The following NOS1AP variants were observed in gnomAD, a reference collection of about 807,000 sequenced individuals.
NOS1AP encodes the protein nitric oxide synthase 1 adaptor protein.
In NOS1AP, 21 loss-of-function variants were observed where a neutral mutation model predicts 56.2. That is an observed-to-expected ratio of 0.37 (90% CI 0.26 to 0.54). The LOEUF (loss-of-function observed/expected upper bound fraction) is 0.54, where lower values mean the gene tolerates loss of function less well. NOS1AP is among the 20% of genes least tolerant of loss of function. The pLI is 0.84. For missense variants in NOS1AP, 522 were observed against 657.8 expected, an observed-to-expected ratio of 0.79 and a Z score of 2.26; for synonymous variants, 270 against 274.6, an observed-to-expected ratio of 0.98 and a Z score of 0.17.
intron 4 of NOS1AP, among the ~76,000 whole-genome samples, chr1:162,312,219 T>C (rs1265785159): frequency 5.6e-5 from 8 of 143,270 alleles, no homozygotes; most frequent in South Asian, 2.3e-4. Context: ...AGTGTTCCTA[T>C]TTCTCCACAT....
intron 5 of NOS1AP, among the ~76,000 whole-genome samples, chr1:162,337,975 A>G (rs1391858018): frequency 1.3e-5 from 2 of 152,236 alleles, no homozygotes; most frequent in Non-Finnish European, 2.9e-5. Context: ...TGTAAATTCC[A>G]TAGATTAAGA....
intron 1 of NOS1AP, among the ~76,000 whole-genome samples, chr1:162,114,989 A>C (rs1320680014): frequency 6.6e-6 from 1 of 152,210 alleles, no homozygotes; most frequent in Non-Finnish European, 1.5e-5. Flanking sequence ...TTCAGGTCCC[A>C]TAATGGCCAA....
chr1:162,151,378 A>C (rs1367330362), intron 1 of NOS1AP, among the ~76,000 whole-genome samples: 1 of 152,148 alleles, frequency 6.6e-6, no homozygotes, highest in Non-Finnish European at 1.5e-5. Flanking sequence ...TAGCATGTAC[A>C]TGTGCATGTT....
At chr1:162,322,607 A>T (rs753139620) in intron 4 of NOS1AP, among the ~76,000 whole-genome samples, 9 of 152,164 alleles carry the variant, frequency 5.9e-5, no homozygotes, top group Non-Finnish European at 1.0e-4. Context: ...ATATCCCTGG[A>T]TTGGTTTATT....
At chr1:162,174,768 T>G (rs1022651924) in intron 2 of NOS1AP, among the ~76,000 whole-genome samples, 1 of 152,222 alleles carries the variant, frequency 6.6e-6, no homozygotes, top group Non-Finnish European at 1.5e-5. Context: ...TTGTTCATAT[T>G]TCCTTAGTTT....
At chr1:162,134,061 G>A (rs1648874469) in intron 1 of NOS1AP, among the ~76,000 whole-genome samples, 1 of 152,104 alleles carries the variant, frequency 6.6e-6, no homozygotes, top group African/African-American at 2.4e-5. Context: ...CAGTTTAAAA[G>A]GAAACCTTAA....
chr1:162,244,263 G>C (rs1653587772), intron 2 of NOS1AP, among the ~76,000 whole-genome samples: 1 of 152,112 alleles, frequency 6.6e-6, no homozygotes, highest in Non-Finnish European at 1.5e-5. Context: ...CCTCTCAGTT[G>C]AGGCAAGGTT....
At chr1:162,366,783 G>A (rs531556364) in intron 9 of NOS1AP, 1 of 572,672 alleles carries the variant, frequency 1.7e-6, no homozygotes, top group Admixed American at 3.1e-5. Flanking sequence ...ACCCTATTCA[G>A]AGCCTTCAGT....
chr1:162,367,524 G>A lies in NOS1AP; in HGVS notation c.*57G>A. ...GTGGCTGGAGGGGCCGTGTCTGGCT[G>A]CTGCCCGGGTAGGGGATGCCCAGTG... On this transcript the variant is annotated 3_prime_UTR_variant, in exon 10 of 10. Transcript: ENST00000361897. The surrounding 1 kb of genome is among the most constrained non-coding windows in gnomAD (Gnocchi z 6.5). 1.3e-6 allele frequency: 2 copies of A among 1,493,864 alleles called. No individual in the cohort carries two copies. The highest frequency in any genetic ancestry group is 1.8e-6 in the Non-Finnish European group (2 of 1,119,404). The allele number at this position is 1,493,864 out of a possible 1,614,324, so 92.5% of individuals were successfully genotyped here.
Position 162,287,410 on chromosome 1 carries a change from A to G in NOS1AP, c.244A>G (p.Lys82Glu), listed in dbSNP as rs1474301019. 6.2e-7 allele frequency: 1 copy of G among 1,612,846 alleles called. No homozygotes were observed. Residue 82 changes from lysine (K) to glutamate (E), a missense_variant, in exon 3 of 10, where the codon AAA becomes GAA. Physicochemically the swap from Lys to Glu is moderately conservative, Grantham distance 56. Transcript: ENST00000361897. ...CATTATGGTTTCAGTGGATGGAGTG[A>G]AAGTGATTCTGAAGAAGAAGAAAAA... ...VSIMVSVDGV[K>E]VILKKKKKLL...
chr1:162,227,131 C>T (rs1403450447), intron 2 of NOS1AP, among the ~76,000 whole-genome samples: 3 of 152,078 alleles, frequency 2.0e-5, no homozygotes, highest in African/African-American at 7.2e-5. Flanking sequence ...CCCTTAATTC[C>T]AACATTACAG....
chr1:162,095,056 CCCAGTGT>C (rs1334619479), intron 1 of NOS1AP, among the ~76,000 whole-genome samples: 4 of 152,236 alleles, frequency 2.6e-5, no homozygotes, highest in Non-Finnish European at 4.4e-5. Flanking sequence ...TTTTTCATAG[CCCAGTGT>C]GGGCAATTGG....
At chr1:162,207,688 TGG>T (rs1461100416) in intron 2 of NOS1AP, among the ~76,000 whole-genome samples, 1 of 152,190 alleles carries the variant, frequency 6.6e-6, no homozygotes, top group African/African-American at 2.4e-5. Context: ...GATTTTGAAT[TGG>T]TAAATATTCA....
chr1:162,334,277 T>C (rs995353039), intron 5 of NOS1AP, among the ~76,000 whole-genome samples: 3 of 152,058 alleles, frequency 2.0e-5, no homozygotes, highest in African/African-American at 4.8e-5. Flanking sequence ...AATCATGGAG[T>C]TGGATGAAAA....
intron 2 of NOS1AP, among the ~76,000 whole-genome samples, chr1:162,197,639 C>A (rs1285585635): frequency 6.6e-6 from 1 of 152,182 alleles, no homozygotes; most frequent in Non-Finnish European, 1.5e-5. Flanking sequence ...TTCCTTTACC[C>A]AACCCTTTTC....
Position 162,330,866 on chromosome 1 carries a change from C to T in NOS1AP, c.345-2151C>T, listed in dbSNP as rs185338164. Among the ~76,000 whole-genome samples the T allele has an allele frequency of 5.0e-3, 760 of 152,150 alleles. 4 individuals carry two copies. The highest frequency in any genetic ancestry group is 7.2e-3 in the Non-Finnish European group (490 of 67,990). ...CATAAATCAGAGACATATTAGGGAGCGAGTCTGCAAGGAACTTGCTCCTGA... is the reference window on the plus strand; with the variant it reads ...CATAAATCAGAGACATATTAGGGAGTGAGTCTGCAAGGAACTTGCTCCTGA... On this transcript the variant is annotated intron_variant, in intron 4 of 9. Coordinates refer to ENST00000361897, the MANE Select transcript of NOS1AP (RefSeq NM_014697.3).
At chr1:162,329,377 G>C (rs1053734012) in intron 4 of NOS1AP, among the ~76,000 whole-genome samples, 2 of 151,584 alleles carry the variant, frequency 1.3e-5, no homozygotes, top group Non-Finnish European at 2.9e-5. Flanking sequence ...GAGAGAGAGA[G>C]AGAGAGAAAA....
At chr1:162,357,844 C>A (rs1024295757) in intron 8 of NOS1AP, among the ~76,000 whole-genome samples, 1 of 151,902 alleles carries the variant, frequency 6.6e-6, no homozygotes, top group African/African-American at 2.4e-5. Context: ...AGCAGGGATT[C>A]TTCTTGTTTG....
chr1:162,214,261 G>C (rs950440103), intron 2 of NOS1AP, among the ~76,000 whole-genome samples: 1 of 123,514 alleles, frequency 8.1e-6, no homozygotes, highest in Non-Finnish European at 1.9e-5. Context: ...TTGTTCATTC[G>C]TTCGTTCGTT....
Sources: allele counts gnomAD v4.1 joint callset (sites outside exome capture counted in the v4.1 genomes callset), GRCh38; gene constraint gnomAD v4.1.1; non-coding constraint Gnocchi (gnomAD v3.1); transcripts MANE v1.5; gene names NCBI Gene and HGNC (gene_info 2026-07-23, HGNC 2026-07-21).